Variants in FAM228B observed in about 807,000 individuals in gnomAD.
FAM228B encodes the protein family with sequence similarity 228 member B.
FAM228B carries 38 observed loss-of-function variants against 42.6 expected under a neutral mutation model. The ratio of observed to expected loss-of-function variants is 0.89; its 90% CI spans 0.69 to 1.17. FAM228B has a LOEUF of 1.17. FAM228B is among the 50% of genes most tolerant of loss of function. The pLI is 0.00. For missense variants in FAM228B, 344 were observed against 367.3 expected, an observed-to-expected ratio of 0.94 and a Z score of 0.52; for synonymous variants, 109 against 122.3, an observed-to-expected ratio of 0.89 and a Z score of 0.72.
In FAM228B at chr2:24,077,071, T is replaced by G. The variant is rs1573712090; in HGVS notation, c.-290+102T>G. On this transcript the variant is annotated intron_variant, in intron 1 of 10. Coordinates refer to the FAM228B transcript ENST00000613899. This position sits in a 1 kb window ranked among gnomAD's most constrained non-coding sequence, Gnocchi z 5.5. ...TTGGGGCTGAGGAAAGTGGTGGAGGTGGGGCGGGGCTCAGATGTGTAGCGG... is the reference window on the plus strand; with the variant it reads ...TTGGGGCTGAGGAAAGTGGTGGAGGGGGGGCGGGGCTCAGATGTGTAGCGG... 3.2e-5 allele frequency: 2 copies of G among 62,816 alleles called. No homozygotes were observed. The highest frequency in any genetic ancestry group is 4.3e-4 in the South Asian group (1 of 2,310). The allele number at this position is 62,816 out of a possible 1,614,324, so 3.9% of individuals were successfully genotyped here.
chr2:24,166,310 C>G (rs937902790), intron 9 of FAM228B: 6 of 151,924 alleles, frequency 3.9e-5, no homozygotes, highest in African/African-American at 1.5e-4. Context: ...GAAATCAGCA[C>G]GTGAATGGCC....
chr2:24,137,586 G>A (rs867343905), intron 3 of FAM228B, among the ~76,000 whole-genome samples: 2 of 152,124 alleles, frequency 1.3e-5, no homozygotes, highest in African/African-American at 2.4e-5. Context: ...TTGAAGTCCT[G>A]GGCTCAAGTG....
At position 24,095,774 on chromosome 2, in the gene FAM228B, T is replaced by A. The variant is rs1213653302; in HGVS notation, c.-121+545T>A. 1 of 152,312 alleles carries A rather than the reference T, an allele frequency of 6.6e-6. No individual in the cohort carries two copies. The highest frequency in any genetic ancestry group is 1.5e-5 in the Non-Finnish European group (1 of 68,098). The allele number at this position is 152,312 out of a possible 1,614,324, so 9.4% of individuals were successfully genotyped here. A position where few individuals can be genotyped will look rare whatever the true frequency, so the allele number is the denominator to read the frequency against. ...GCATTGGTTCTCTCAGCACGGTGTTTGAGCTCTGAGAACGGACAGACTGCC... is the reference window on the plus strand; with the variant it reads ...GCATTGGTTCTCTCAGCACGGTGTTAGAGCTCTGAGAACGGACAGACTGCC... On this transcript the variant is annotated intron_variant, in intron 3 of 10. Transcript: ENST00000613899. The surrounding 1 kb of genome is among the most constrained non-coding windows in gnomAD (Gnocchi z 4.8).
chr2:24,102,851 ACT>A (rs1444702321), intron 3 of FAM228B, among the ~76,000 whole-genome samples: 9 of 152,268 alleles, frequency 5.9e-5, no homozygotes, highest in African/African-American at 2.2e-4. Context: ...AGCAGTCCTC[ACT>A]GTTAAACTAA....
At chr2:24,134,179 T>TA (rs1666523603) in intron 2 of FAM228B, among the ~76,000 whole-genome samples, 1 of 152,208 alleles carries the variant, frequency 6.6e-6, no homozygotes, top group Non-Finnish European at 1.5e-5. Flanking sequence ...TGGATAAAAA[T>TA]ATAACTCATT....
chr2:24,146,965 G>A lies in FAM228B; in HGVS notation c.565G>A (p.Glu189Lys), dbSNP rs1270888333. Residue 189 changes from glutamate (E) to lysine (K), a missense_variant, in exon 7 of 11, where the codon GAG (glutamate) becomes AAG (lysine). Glu to Lys is a moderately conservative substitution (Grantham distance 56). Coordinates refer to ENST00000615575, the MANE Select transcript of FAM228B (RefSeq NM_001145710.2). ...TTCAATAAAGGAATTCAAAGAAGTT[G>A]AGAAGGTTCAGCTGCATTCCAGATT... The part of the protein sequence containing the change: ...IYSIKEFKEV[E>K]KVQLHSRFPQ... 3 of 1,551,406 alleles carry A rather than the reference G, an allele frequency of 1.9e-6. No homozygotes were observed. Among genetic ancestry groups the A allele is most frequent in the Non-Finnish European group, 2.6e-6 (3 of 1,146,826 alleles).
At chr2:24,082,768 A>G in intron 2 of FAM228B, 1 of 1,341,826 alleles carries the variant, frequency 7.5e-7, no homozygotes. Context: ...AGGACCTGAC[A>G]ATACAGGTGA....
intron 7 of FAM228B, among the ~76,000 whole-genome samples, chr2:24,151,613 AT>A (rs397726084): frequency 2.3e-4 from 32 of 137,408 alleles, no homozygotes; most frequent in East Asian, 8.5e-4. Flanking sequence ...TTTTTTGGTG[AT>A]TTTTTTTTTT....
chr2:24,133,482 G>A (rs2151017055), intron 2 of FAM228B, among the ~76,000 whole-genome samples: 1 of 152,274 alleles, frequency 6.6e-6, no homozygotes, highest in South Asian at 2.1e-4. Flanking sequence ...TTACTCATCT[G>A]TCCTGGAAAT....
chr2:24,120,943 G>C (rs1275986884), upstream of FAM228B, among the ~76,000 whole-genome samples: 1 of 151,738 alleles, frequency 6.6e-6, no homozygotes, highest in Non-Finnish European at 1.5e-5. Context: ...TTCAGGCAAG[G>C]CTCAGTTAAT....
chr2:24,100,315 ATC>A (rs1225452696), intron 3 of FAM228B, among the ~76,000 whole-genome samples: 2 of 152,354 alleles, frequency 1.3e-5, no homozygotes, highest in African/African-American at 4.8e-5. Flanking sequence ...AGAAACTACC[ATC>A]AGAGTGAACA....
chr2:24,112,770 A>C (rs569405044), intron 3 of FAM228B, among the ~76,000 whole-genome samples: 1 of 152,140 alleles, frequency 6.6e-6, no homozygotes, highest in Non-Finnish European at 1.5e-5. Flanking sequence ...AGCCTTTTCT[A>C]TTTTGGCTCT....
At chr2:24,155,366 C>T (rs1049205065) in intron 7 of FAM228B, among the ~76,000 whole-genome samples, 1 of 151,194 alleles carries the variant, frequency 6.6e-6, no homozygotes, top group Admixed American at 6.6e-5. Flanking sequence ...GTCAGATTAT[C>T]TTCTATGACC....
At chr2:24,127,284 T>G (rs1666338156) in intron 2 of FAM228B, among the ~76,000 whole-genome samples, 1 of 152,262 alleles carries the variant, frequency 6.6e-6, no homozygotes, top group East Asian at 1.9e-4. Flanking sequence ...ACTTTATTCC[T>G]TTTGATGACC....
intron 5 of FAM228B, among the ~76,000 whole-genome samples, chr2:24,145,880 G>A (rs1666883498): frequency 1.3e-5 from 2 of 151,888 alleles, no homozygotes; most frequent in South Asian, 4.2e-4. Context: ...TAGTAAAGAC[G>A]GGGTTTCACC....
intron 5 of FAM228B, among the ~76,000 whole-genome samples, chr2:24,143,393 A>C (rs1367136242): frequency 6.6e-6 from 1 of 152,090 alleles, no homozygotes; most frequent in Admixed American, 6.5e-5. Flanking sequence ...ATGGGGTTTC[A>C]TCGTGTTAGC....
intron 5 of FAM228B, among the ~76,000 whole-genome samples, chr2:24,146,525 A>G (rs1666897930): frequency 6.6e-6 from 1 of 152,226 alleles, no homozygotes; most frequent in African/African-American, 2.4e-5. Flanking sequence ...AACAAGAGCT[A>G]ACTTTGTCTC....
rs915031723 is a variant in FAM228B at position 24,084,205 on chromosome 2, C to A, written c.-210+3250C>A. 1.2e-6 allele frequency: 2 copies of A among 1,613,142 alleles called. No individual in the cohort carries two copies. The highest frequency in any genetic ancestry group is 8.5e-7 in the Non-Finnish European group (1 of 1,179,720). ...CCTGGGTACCTGCATTAAGTCCGCC[C>A]GGTTCAGGGCGCTGGCCGCCACCTT... On this transcript the variant is annotated intron_variant, in intron 2 of 10. Coordinates refer to the FAM228B transcript ENST00000613899. The surrounding 1 kb of genome is among the most constrained non-coding windows in gnomAD (Gnocchi z 8.4).
chr2:24,165,392 G>GATC (rs1221870560), intron 9 of FAM228B: 2 of 471,132 alleles, frequency 4.2e-6, no homozygotes, highest in East Asian at 1.4e-4. Context: ...GTGCAGATGT[G>GATC]ATCATCCCTC....
Sources: gnomAD v4.1 joint callset for allele counts (sites outside exome capture counted in the v4.1 genomes callset) on GRCh38, gnomAD v4.1.1 for gene constraint, Gnocchi (gnomAD v3.1) non-coding constraint, MANE v1.5 for transcripts, NCBI Gene and HGNC (gene_info 2026-07-23, HGNC 2026-07-21) for gene names.